PAK4: variants seen among roughly 807,000 people sequenced by gnomAD.
PAK4 encodes the protein serine/threonine-protein kinase PAK 4.
PAK4 carries 49 observed loss-of-function variants against 53.5 expected under a neutral mutation model. The observed-to-expected ratio is 0.92, with a 90% CI of 0.73 to 1.16. The LOEUF (loss-of-function observed/expected upper bound fraction) is 1.16, where lower values mean the gene tolerates loss of function less well. PAK4 is among the 50% of genes most tolerant of loss of function. PAK4 has a pLI of 0.00. For synonymous variants in PAK4, 376 were observed against 375.6 expected, an observed-to-expected ratio of 1.00 and a Z score of -0.01; for missense variants, 824 against 850.7, an observed-to-expected ratio of 0.97 and a Z score of 0.39.
At chr19:39,148,735 G>A (rs891897891) in intron 1 of PAK4, among the ~76,000 whole-genome samples, 5 of 151,166 alleles carry the variant, frequency 3.3e-5, no homozygotes, top group African/African-American at 7.3e-5. Flanking sequence ...GATTACAGGC[G>A]TGAGCCACCA....
rs193176274 is a variant in PAK4 at position 39,164,168 on chromosome 19, T to C, written c.-22-5364T>C. Among the ~76,000 whole-genome samples the C allele has an allele frequency of 7.2e-5, 11 of 151,854 alleles. No homozygotes were observed. In the East Asian group the frequency reaches 9.7e-4, roughly 13 times the overall value. On this transcript the variant is annotated intron_variant, in intron 1 of 8. Transcript: ENST00000358301. ...GGCGGACGCCTGTAATCCCAGCTTCTTGGGAGGCTGAGGCAGGAGAAGCAC... is the reference window on the plus strand; with the variant it reads ...GGCGGACGCCTGTAATCCCAGCTTCCTGGGAGGCTGAGGCAGGAGAAGCAC...
At chr19:39,176,563 G>C in intron 6 of PAK4, 27 bp from the exon 8 acceptor site, 1 of 1,613,318 alleles carries the variant, frequency 6.2e-7, no homozygotes. Flanking sequence ...CAGCTCCTCT[G>C]ACCCCACTGC....
intron 1 of PAK4, among the ~76,000 whole-genome samples, chr19:39,144,174 A>AT (rs1568503741): frequency 1.1e-3 from 79 of 70,304 alleles, no homozygotes; most frequent in African/African-American, 4.0e-3. Context: ...GATTAGATAG[A>AT]TAGATAGATA....
Position 39,173,825 on chromosome 19 carries a change from C to T in PAK4, c.913C>T (p.Arg305Trp), listed in dbSNP as rs772419141. 8.7e-6 allele frequency: 14 copies of T among 1,612,188 alleles called. No homozygotes were observed. The highest frequency in any genetic ancestry group is 1.6e-4 in the Middle Eastern group (1 of 6,084). ...ACAGCGAGTATCCCATGAGCAGTTC[C>T]GGGCTGCCCTGCAGCTGGTGGTGGA... Residue 305 changes from arginine to tryptophan, a missense_variant, in exon 4 of 9, where the codon CGG (arginine) becomes TGG (tryptophan). Physicochemically the swap from Arg to Trp is moderately radical, Grantham distance 101. Coordinates refer to ENST00000358301, the Ensembl canonical transcript of PAK4. This position sits in a 1 kb window ranked among gnomAD's most constrained non-coding sequence, Gnocchi z 6.9.
intron 1 of PAK4, 66 bp from the exon 3 acceptor site, chr19:39,169,466 A>AGCAG (rs1008154708): frequency 2.7e-5 from 31 of 1,167,728 alleles, no homozygotes; most frequent in Non-Finnish European, 1.8e-5. Context: ...GGAGGGACAG[A>AGCAG]GCAGGGGCAG....
At chr19:39,166,995 T>C (rs2144802948) in intron 1 of PAK4, among the ~76,000 whole-genome samples, 1 of 152,212 alleles carries the variant, frequency 6.6e-6, no homozygotes, top group South Asian at 2.1e-4. Flanking sequence ...CCCCTTCCCT[T>C]GGGGGTTTAT....
At chr19:39,128,797 G>C (rs749414816) in intron 1 of PAK4, among the ~76,000 whole-genome samples, 2 of 152,150 alleles carry the variant, frequency 1.3e-5, no homozygotes, top group African/African-American at 2.4e-5. Context: ...TTCATACTTT[G>C]ACTGCCCTTG....
At chr19:39,127,261 T>C (rs958282745) in intron 1 of PAK4, among the ~76,000 whole-genome samples, 14 of 152,032 alleles carry the variant, frequency 9.2e-5, no homozygotes, top group African/African-American at 3.1e-4. Flanking sequence ...TCACTTCTTA[T>C]GGCTCTGCCC....
chr19:39,144,779 A>AGG (rs5828030), intron 1 of PAK4, among the ~76,000 whole-genome samples: 3 of 151,488 alleles, frequency 2.0e-5, no homozygotes, highest in Non-Finnish European at 4.4e-5. Flanking sequence ...CATGTGTGTG[A>AGG]GTGTGTGTGT....
At chr19:39,134,561 T>C (rs1284835470) in intron 1 of PAK4, among the ~76,000 whole-genome samples, 1 of 150,876 alleles carries the variant, frequency 6.6e-6, no homozygotes, top group African/African-American at 2.5e-5. Flanking sequence ...ATCTGTGTGC[T>C]GAGTGTATCT....
At position 39,127,917 on chromosome 19, in the gene PAK4, G is replaced by A. The variant is rs117136302; in HGVS notation, c.-23+1998G>A. On this transcript the variant is annotated intron_variant, in intron 1 of 8. Coordinates refer to ENST00000358301, the Ensembl canonical transcript of PAK4. ...CTGGCATGACTGGAGGTCAGGACTCGGGTGCACAGTTGGGGATCTGGGCAA... is the reference window on the plus strand; with the variant it reads ...CTGGCATGACTGGAGGTCAGGACTCAGGTGCACAGTTGGGGATCTGGGCAA... Among the ~76,000 whole-genome samples the A allele has an allele frequency of 5.0e-3, 763 of 152,294 alleles. 2 individuals are homozygous for A. Among genetic ancestry groups the A allele is most frequent in the Middle Eastern group, 0.01 (3 of 294 alleles).
chr19:39,175,451 G>A lies in PAK4; in HGVS notation c.1359+13G>A, dbSNP rs1350647384. 1.2e-6 allele frequency: 2 copies of A among 1,605,644 alleles called. No individual in the cohort carries two copies. The highest frequency in any genetic ancestry group is 1.7e-6 in the Non-Finnish European group (2 of 1,176,340). On this transcript the variant is annotated intron_variant, in intron 6 of 8. Transcript: ENST00000358301. This position sits in a 1 kb window ranked among gnomAD's most constrained non-coding sequence, Gnocchi z 4.7. ...CCATGATGGCAGGGTGAGGGGACGG[G>A]CGGCGGGGTACGGGGGCGGCAGGTT...
chr19:39,165,763 GA>G (rs1229173416), intron 1 of PAK4, among the ~76,000 whole-genome samples: 2 of 152,140 alleles, frequency 1.3e-5, no homozygotes, highest in Non-Finnish European at 2.9e-5. Flanking sequence ...TCCCATTCAT[GA>G]ATTGGGATGA....
At chr19:39,139,053 GC>G (rs1376893577) in intron 1 of PAK4, among the ~76,000 whole-genome samples, 1 of 152,230 alleles carries the variant, frequency 6.6e-6, no homozygotes, top group African/African-American at 2.4e-5. Flanking sequence ...ATCCCCCACA[GC>G]CCATGGCTGG....
At chr19:39,169,421 C>T (rs2074433749) in intron 1 of PAK4, 111 bp from the exon 3 acceptor site, 4 of 769,486 alleles carry the variant, frequency 5.2e-6, no homozygotes, top group African/African-American at 1.7e-5. Flanking sequence ...AAGGAGGCTA[C>T]TGCCTCCTGT....
At chr19:39,149,786 G>A (rs985563532) in intron 1 of PAK4, among the ~76,000 whole-genome samples, 90 of 152,288 alleles carry the variant, frequency 5.9e-4, no homozygotes, top group African/African-American at 2.1e-3. Context: ...AACCCGGGAG[G>A]CGGAGGTTGC....
downstream of PAK4, chr19:39,182,266 C>G (rs2074706934): frequency 6.6e-6 from 1 of 152,194 alleles, no homozygotes; most frequent in South Asian, 2.1e-4. Context: ...AAGGACCGAC[C>G]CAGAGGTTTT....
chr19:39,173,176 G>A lies in PAK4; in HGVS notation c.463G>A (p.Gly155Arg). ...CGGCAGTGGTGACAGGCGACGGGCGGGGCCAGAGAAGAGGCCCAAGTCTTC... is the reference window on the plus strand; with the variant it reads ...CGGCAGTGGTGACAGGCGACGGGCGAGGCCAGAGAAGAGGCCCAAGTCTTC... The change falls in exon 3 of 9, where the codon GGG (glycine) becomes AGG (arginine). Residue 155 changes from glycine (G) to arginine (R), a missense_variant. Around this residue, in one of 2 missense-constraint regions of PAK4, gnomAD observed 478 missense variants for 435.8 expected, o/e 1.10. Coordinates refer to ENST00000358301, the Ensembl canonical transcript of PAK4. This position sits in a 1 kb window ranked among gnomAD's most constrained non-coding sequence, Gnocchi z 6.9. 1 of 1,541,044 alleles carries A rather than the reference G, an allele frequency of 6.5e-7. No homozygotes were observed.
intron 1 of PAK4, among the ~76,000 whole-genome samples, chr19:39,133,811 G>A (rs1181959772): frequency 6.6e-6 from 1 of 152,186 alleles, no homozygotes; most frequent in Non-Finnish European, 1.5e-5. Flanking sequence ...TCCCAGCCCG[G>A]TTTTGCCACT....
Sources: allele counts gnomAD v4.1 joint callset (sites outside exome capture counted in the v4.1 genomes callset), GRCh38; gene constraint gnomAD v4.1.1; regional missense constraint gnomAD v4.1.1; non-coding constraint Gnocchi (gnomAD v3.1); transcripts MANE v1.5; gene names NCBI Gene and HGNC (gene_info 2026-07-23, HGNC 2026-07-21).